RARB: variants seen among roughly 807,000 people sequenced by gnomAD.
RARB encodes HBV-activated protein.
Under a neutral mutation model 51.9 loss-of-function variants are expected in RARB, and 17 were observed. The observed-to-expected ratio is 0.33, with a 90% CI of 0.22 to 0.49. RARB has a LOEUF of 0.49. RARB is among the 20% of genes least tolerant of loss of function. The probability of loss-of-function intolerance (pLI) is 0.99; values close to 1 mark genes in which losing one functional copy is unlikely to be tolerated. For missense variants in RARB, 369 were observed against 550.8 expected (o/e 0.67, Z 3.30); for synonymous variants, 215 against 195.4 (o/e 1.10, Z -0.84).
At chr3:25,435,448 C>T (rs904471453) in intron 1 of RARB, among the ~76,000 whole-genome samples, 1 of 152,130 alleles carries the variant, frequency 6.6e-6, no homozygotes, top group South Asian at 2.1e-4. Context: ...TTTGTCATGT[C>T]ATCAAAGTCC....
intron 2 of RARB, among the ~76,000 whole-genome samples, chr3:24,962,548 G>A (rs192053213): frequency 1.2e-4 from 19 of 152,282 alleles, no homozygotes; most frequent in South Asian, 2.1e-4. Context: ...GAACTAGGCC[G>A]CACAGCAGGA....
At chr3:25,263,910 G>A in intron 5 of RARB, among the ~76,000 whole-genome samples, 1 of 152,132 alleles carries the variant, frequency 6.6e-6, no homozygotes. Flanking sequence ...AGCCCTTTAA[G>A]GCATTTTGTA....
intron 5 of RARB, among the ~76,000 whole-genome samples, chr3:25,366,007 C>G (rs1055112501): frequency 1.5e-4 from 23 of 152,224 alleles, no homozygotes; most frequent in African/African-American, 5.5e-4. Context: ...AAACACCACA[C>G]TTGTGCAAAT....
chr3:25,412,413 G>A (rs1337926153), intron 5 of RARB, among the ~76,000 whole-genome samples: 1 of 152,072 alleles, frequency 6.6e-6, no homozygotes, highest in African/African-American at 2.4e-5. Flanking sequence ...TAAACATAAA[G>A]CTAGTTCTAT....
chr3:25,035,958 G>A (rs1373404438), intron 2 of RARB, among the ~76,000 whole-genome samples: 1 of 152,194 alleles, frequency 6.6e-6, no homozygotes, highest in Non-Finnish European at 1.5e-5. Context: ...CAGATGTTGT[G>A]ACATGGTCCT....
chr3:25,140,278 T>C (rs946034911), intron 4 of RARB, among the ~76,000 whole-genome samples: 1 of 152,210 alleles, frequency 6.6e-6, no homozygotes, highest in African/African-American at 2.4e-5. Flanking sequence ...TAATTCAACA[T>C]TCCAGATGTC....
chr3:25,136,939 T>G (rs1338889097), intron 4 of RARB, among the ~76,000 whole-genome samples: 1 of 151,870 alleles, frequency 6.6e-6, no homozygotes, highest in Non-Finnish European at 1.5e-5. Context: ...CCGCACAGAT[T>G]TGTTGGGAGC....
At chr3:25,094,631 G>A (rs1026511110) in intron 3 of RARB, among the ~76,000 whole-genome samples, 1 of 144,890 alleles carries the variant, frequency 6.9e-6, no homozygotes, top group African/African-American at 2.6e-5. Flanking sequence ...GGGAGAGGAT[G>A]GCTTGAGCCC....
At chr3:25,478,782 G>C (rs1696088917) in intron 2 of RARB, among the ~76,000 whole-genome samples, 1 of 152,198 alleles carries the variant, frequency 6.6e-6, no homozygotes, top group South Asian at 2.1e-4. Context: ...CTCAAGTTCA[G>C]GCCCCCTGCT....
At chr3:25,256,414 G>A (rs1311494159) in intron 5 of RARB, among the ~76,000 whole-genome samples, 1 of 152,014 alleles carries the variant, frequency 6.6e-6, no homozygotes, top group Non-Finnish European at 1.5e-5. Flanking sequence ...TTGACATAAT[G>A]TCCTAGAATG....
intron 5 of RARB, among the ~76,000 whole-genome samples, chr3:25,368,888 C>T (rs547235574): frequency 1.3e-4 from 20 of 152,244 alleles, no homozygotes; most frequent in Non-Finnish European, 2.1e-4. Flanking sequence ...ATTGGCTGCC[C>T]GTTTGCACTG....
intron 2 of RARB, among the ~76,000 whole-genome samples, chr3:25,471,316 G>A (rs1299216869): frequency 6.6e-6 from 1 of 152,188 alleles, no homozygotes; most frequent in East Asian, 1.9e-4. Context: ...TACTGACGTG[G>A]AAGAGTACTG....
chr3:25,181,580 GA>G (rs1700862337), intron 5 of RARB, among the ~76,000 whole-genome samples: 1 of 152,148 alleles, frequency 6.6e-6, no homozygotes, highest in Non-Finnish European at 1.5e-5. Flanking sequence ...AAATAATAAA[GA>G]AGTGCCTCAT....
At chr3:25,173,447 T>A (rs191361637) in intron 4 of RARB, among the ~76,000 whole-genome samples, 178 of 152,292 alleles carry the variant, frequency 1.2e-3, no homozygotes, top group African/African-American at 4.1e-3. Context: ...GATGGATGGA[T>A]GCACAGTTGT....
intron 5 of RARB, among the ~76,000 whole-genome samples, chr3:25,248,713 A>G (rs1702631107): frequency 6.6e-6 from 1 of 152,112 alleles, no homozygotes; most frequent in Non-Finnish European, 1.5e-5. Flanking sequence ...ATTTTGCTGG[A>G]TCCTTGGCTG....
rs1702494607 is a variant in RARB, at chr3:24,847,084, T to TTC, written c.-458-11588_-458-11587dup. Among the ~76,000 whole-genome samples, 3 of 152,286 alleles carry TTC rather than the reference T, an allele frequency of 2.0e-5. No homozygotes were observed. The South Asian group carries it at 6.2e-4, about 32-fold the overall frequency. On this transcript the variant is annotated intron_variant, in intron 1 of 11. Coordinates refer to the RARB transcript ENST00000383772. ...AACAGGTCTGGGATGGTGCCTGAGCTTCTGCTTCTACACTCACTTCCCTGT... is the reference window on the plus strand; with the variant it reads ...AACAGGTCTGGGATGGTGCCTGAGCTTCTCTGCTTCTACACTCACTTCCCTGT...
intron 2 of RARB, among the ~76,000 whole-genome samples, chr3:24,946,584 C>T (rs570720514): frequency 2.3e-4 from 35 of 151,944 alleles, no homozygotes; most frequent in South Asian, 6.3e-4. Context: ...ATTAGCAAGG[C>T]TTGGTCGGGT....
At chr3:25,364,775 C>G (rs9310779) in intron 5 of RARB, among the ~76,000 whole-genome samples, 58,439 of 152,084 alleles carry the variant, frequency 0.38, 11,745 homozygotes, top group East Asian at 0.75. Flanking sequence ...CAATATATAA[C>G]TTTGCACAAT....
At chr3:25,141,511 C>G (rs1257703427) in intron 4 of RARB, among the ~76,000 whole-genome samples, 1 of 152,098 alleles carries the variant, frequency 6.6e-6, no homozygotes. Context: ...GGAAATCTTG[C>G]CTCCCATTGC....
Sources: allele counts gnomAD v4.1 joint callset (sites outside exome capture counted in the v4.1 genomes callset), GRCh38; gene constraint gnomAD v4.1.1; transcripts MANE v1.5; gene names NCBI Gene and HGNC (gene_info 2026-07-23, HGNC 2026-07-21).